ERBB4: variants seen among roughly 807,000 people sequenced by gnomAD.
ERBB4 encodes erb-b2 receptor tyrosine kinase 4.
A neutral mutation model predicts 158.0 loss-of-function variants in ERBB4; 42 were observed. The observed-to-expected ratio is 0.27, with a 90% CI of 0.21 to 0.34. The LOEUF is 0.34. ERBB4 is among the 10% of genes least tolerant of loss of function. ERBB4 has a pLI of 1.00. For missense variants in ERBB4, 1,333 were observed against 1,624.1 expected (o/e 0.82, Z 3.08); for synonymous variants, 583 against 558.7 (o/e 1.04, Z -0.61).
At chr2:211,569,251 G>T (rs570361331) in intron 19 of ERBB4, among the ~76,000 whole-genome samples, 2 of 152,316 alleles carry the variant, frequency 1.3e-5, no homozygotes, top group African/African-American at 2.4e-5. Context: ...CATCGGGAAA[G>T]AATTCTACTT....
At chr2:211,881,259 GATAC>G (rs1352388817) in intron 3 of ERBB4, among the ~76,000 whole-genome samples, 1 of 152,202 alleles carries the variant, frequency 6.6e-6, no homozygotes, top group East Asian at 1.9e-4. Flanking sequence ...AGGTCATGGT[GATAC>G]AGGCGGTAGA....
intron 20 of ERBB4, among the ~76,000 whole-genome samples, chr2:211,434,218 G>A (rs1290632795): frequency 6.6e-6 from 1 of 151,942 alleles, no homozygotes; most frequent in East Asian, 1.9e-4. Flanking sequence ...AGGGAACTAA[G>A]GCACATTCAC....
chr2:211,601,087 T>A (rs1260521985), intron 19 of ERBB4, among the ~76,000 whole-genome samples: 7 of 152,054 alleles, frequency 4.6e-5, no homozygotes, highest in Admixed American at 3.3e-4. Context: ...GAAATTAGCA[T>A]CCTAAAACAT....
At chr2:212,515,394 T>C (rs1360760664) in intron 1 of ERBB4, among the ~76,000 whole-genome samples, 1 of 152,112 alleles carries the variant, frequency 6.6e-6, no homozygotes, top group East Asian at 1.9e-4. Flanking sequence ...AAGAAAATCT[T>C]TTTATTTCCT....
intron 1 of ERBB4, among the ~76,000 whole-genome samples, chr2:212,203,351 C>T (rs1458967462): frequency 6.6e-6 from 1 of 152,048 alleles, no homozygotes; most frequent in Non-Finnish European, 1.5e-5. Context: ...AAGGCAGAAA[C>T]ATGCCTGCCC....
chr2:211,614,209 T>C (rs749603193), intron 19 of ERBB4, among the ~76,000 whole-genome samples: 1 of 151,904 alleles, frequency 6.6e-6, no homozygotes, highest in Non-Finnish European at 1.5e-5. Flanking sequence ...ATTTGTGAGA[T>C]CTAAAAACCA....
chr2:212,149,375 G>T (rs1253712245), intron 1 of ERBB4, among the ~76,000 whole-genome samples: 4 of 152,164 alleles, frequency 2.6e-5, no homozygotes, highest in Non-Finnish European at 4.4e-5. Context: ...TAAAAAATGT[G>T]TTGGTTTTTA....
intron 3 of ERBB4, among the ~76,000 whole-genome samples, chr2:211,797,293 A>ATT (rs1036197326): frequency 5.3e-5 from 8 of 151,856 alleles, no homozygotes; most frequent in African/African-American, 1.7e-4. Flanking sequence ...CTCAGAAATG[A>ATT]TTTGTCCCTT....
intron 4 of ERBB4, among the ~76,000 whole-genome samples, chr2:211,762,178 T>TA (rs1188169445): frequency 6.6e-6 from 1 of 152,152 alleles, no homozygotes; most frequent in Non-Finnish European, 1.5e-5. Flanking sequence ...GTAGAGGTGA[T>TA]ATGGCAGATA....
chr2:211,713,325 G>A (rs2073774913), intron 8 of ERBB4, among the ~76,000 whole-genome samples: 1 of 151,884 alleles, frequency 6.6e-6, no homozygotes, highest in Admixed American at 6.6e-5. Context: ...GTTTTTTTCT[G>A]GGCCATTTTA....
chr2:211,820,793 G>T (rs2076979097), intron 3 of ERBB4, among the ~76,000 whole-genome samples: 1 of 151,778 alleles, frequency 6.6e-6, no homozygotes, highest in Admixed American at 6.6e-5. Context: ...ACACAAAAAT[G>T]AATAAACATG....
At chr2:212,438,232 C>T (rs1409700012) in intron 1 of ERBB4, among the ~76,000 whole-genome samples, 1 of 152,000 alleles carries the variant, frequency 6.6e-6, no homozygotes, top group East Asian at 1.9e-4. Flanking sequence ...TGGAGCCAGA[C>T]TTAGATAGTA....
chr2:211,733,115 T>C (rs2074483224), intron 5 of ERBB4, among the ~76,000 whole-genome samples: 1 of 152,224 alleles, frequency 6.6e-6, no homozygotes, highest in South Asian at 2.1e-4. Flanking sequence ...GGTAAGGGAT[T>C]CTGTCTAATC....
At chr2:211,789,225 T>C (rs2076231018) in intron 3 of ERBB4, among the ~76,000 whole-genome samples, 1 of 152,158 alleles carries the variant, frequency 6.6e-6, no homozygotes, top group South Asian at 2.1e-4. Context: ...CATCAGTCCA[T>C]AAAGTGTTCA....
chr2:212,075,226 C>A (rs2078240454), intron 2 of ERBB4, among the ~76,000 whole-genome samples: 1 of 151,574 alleles, frequency 6.6e-6, no homozygotes. Context: ...TTTAGTTAAT[C>A]CAATTCTCAT....
Position 211,947,615 on chromosome 2 carries a change from G to A in ERBB4, c.236C>T (p.Ser79Phe). The change falls in exon 3 of 28, where the codon TCT becomes TTT. Residue 79 changes from serine to phenylalanine, a missense_variant and splice_region_variant. This residue lies in a region of ERBB4 where 438 missense variants were observed against 586.9 expected (regional missense o/e 0.75). Transcript: ENST00000342788. ...EHNRDLSFLR[S>F]VREVTGYVLV... ...CACGTAGCCTGTGACTTCTCGAACAGACTGAAAAGACACAAACAGTTGCCT... is the reference window on the plus strand; with the variant it reads ...CACGTAGCCTGTGACTTCTCGAACAAACTGAAAAGACACAAACAGTTGCCT... The A allele has an allele frequency of 6.2e-7, 1 of 1,612,928 alleles. No individual in the cohort carries two copies. The highest frequency in any genetic ancestry group is 1.7e-4 in the Middle Eastern group (1 of 6,058).
At chr2:211,772,178 C>A (rs1051176681) in intron 4 of ERBB4, among the ~76,000 whole-genome samples, 6 of 152,064 alleles carry the variant, frequency 3.9e-5, no homozygotes, top group Non-Finnish European at 7.4e-5. Context: ...ACTGATTGCT[C>A]AAATGGGAAG....
chr2:211,624,963 A>C (rs1189806102), intron 17 of ERBB4, among the ~76,000 whole-genome samples: 2 of 151,842 alleles, frequency 1.3e-5, no homozygotes, highest in Non-Finnish European at 2.9e-5. Flanking sequence ...CAAAGTAGTA[A>C]AATTAGGCTG....
chr2:212,434,390 C>T (rs978337993), intron 1 of ERBB4, among the ~76,000 whole-genome samples: 2 of 151,886 alleles, frequency 1.3e-5, no homozygotes, highest in Non-Finnish European at 2.9e-5. Context: ...AAGTCTTCTA[C>T]ACCTTAAAAC....
Sources: allele counts gnomAD v4.1 joint callset (sites outside exome capture counted in the v4.1 genomes callset), GRCh38; gene constraint gnomAD v4.1.1; regional missense constraint gnomAD v4.1.1; transcripts MANE v1.5; gene names NCBI Gene and HGNC (gene_info 2026-07-23, HGNC 2026-07-21).